AKAP11: variants seen among roughly 807,000 people sequenced by gnomAD.
The protein encoded by AKAP11 is A-kinase anchoring protein 11, also known as A-kinase anchor protein 11.
AKAP11 carries 36 observed loss-of-function variants against 146.1 expected under a neutral mutation model. That is an observed-to-expected ratio of 0.25 (90% CI 0.19 to 0.33). The LOEUF (loss-of-function observed/expected upper bound fraction) is 0.33, where lower values mean the gene tolerates loss of function less well. Among genes scored for constraint, AKAP11 ranks in the 10% least tolerant of loss-of-function variants. AKAP11 has a pLI of 1.00. For synonymous variants in AKAP11, 780 were observed against 786.5 expected, an observed-to-expected ratio of 0.99 and a Z score of 0.14; for missense variants, 2,201 against 2,197.0, an observed-to-expected ratio of 1.00 and a Z score of -0.04.
In AKAP11 at chr13:42,300,174, G is replaced by T. The variant is rs1288330280; in HGVS notation, c.1428G>T (p.Arg476Ser). The stretch of plus-strand genomic sequence containing the variant: ...GCCAAACAGATATTGGTGGAGATAG[G>T]ATTCATGAAAATCATGATTCTGTTT... ...CFCQTDIGGDRIHENHDSVYY... is the reference protein window; with the variant it reads ...CFCQTDIGGDSIHENHDSVYY... The change falls in exon 8 of 13, where the codon AGG becomes AGT. Residue 476 changes from arginine to serine, a missense_variant. Arg to Ser is a moderately radical substitution (Grantham distance 110, BLOSUM62 -1). Coordinates refer to ENST00000025301, the MANE Select transcript of AKAP11 (RefSeq NM_016248.4). 1 of 1,613,850 alleles carries T rather than the reference G, an allele frequency of 6.2e-7. No homozygotes were observed. Among genetic ancestry groups the T allele is most frequent in the South Asian group, 1.1e-5 (1 of 91,036 alleles).
rs768999636 is a variant in AKAP11 at position 42,301,957 on chromosome 13, A to G, written c.3211A>G (p.Thr1071Ala). The G allele has an allele frequency of 3.1e-6, 5 of 1,614,134 alleles. No individual in the cohort carries two copies. Among genetic ancestry groups the G allele is most frequent in the East Asian group, 4.5e-5 (2 of 44,882 alleles). The change falls in exon 8 of 13, where the codon ACT (threonine) becomes GCT (alanine). Residue 1071 changes from threonine to alanine, a missense_variant. Around this residue, in one of 3 missense-constraint regions of AKAP11, gnomAD observed 1,867 missense variants for 1,833.5 expected, o/e 1.02. Coordinates refer to ENST00000025301, the MANE Select transcript of AKAP11 (RefSeq NM_016248.4). Reference sequence around the variant, plus strand: ...GGAAAACCCCTTTCCTCATTCACATACTTTCTCATCTACAGCACTTACCTG... The same window carrying G: ...GGAAAACCCCTTTCCTCATTCACATGCTTTCTCATCTACAGCACTTACCTG... The part of the protein sequence containing the change: ...GQENPFPHSH[T>A]FSSTALTCVD...
intron 9 of AKAP11, among the ~76,000 whole-genome samples, chr13:42,311,618 ATAGG>A (rs937260527): frequency 3.9e-5 from 6 of 152,096 alleles, no homozygotes; most frequent in African/African-American, 7.2e-5. Flanking sequence ...TGTTTATGTA[ATAGG>A]TAGGTGATGG....
At chr13:42,288,335 TACAC>T (rs1185824007) in intron 3 of AKAP11, among the ~76,000 whole-genome samples, 2 of 152,182 alleles carry the variant, frequency 1.3e-5, no homozygotes, top group Non-Finnish European at 2.9e-5. Flanking sequence ...AAAAGCATAA[TACAC>T]ACACAAACCC....
chr13:42,314,446 TAAAAAAAA>T (rs59968668), intron 11 of AKAP11, among the ~76,000 whole-genome samples: 60 of 124,750 alleles, frequency 4.8e-4, no homozygotes, highest in Non-Finnish European at 3.6e-4. Context: ...GACTCTGACT[TAAAAAAAA>T]AAAAAAAAAA....
chr13:42,291,447 T>C (rs1284242134), intron 3 of AKAP11, among the ~76,000 whole-genome samples: 1 of 152,130 alleles, frequency 6.6e-6, no homozygotes, highest in Non-Finnish European at 1.5e-5. Context: ...AAGACGGGCT[T>C]TCGCTATGTT....
At chr13:42,315,232 T>C (rs1307428524) in intron 11 of AKAP11, among the ~76,000 whole-genome samples, 3 of 152,234 alleles carry the variant, frequency 2.0e-5, no homozygotes, top group Non-Finnish European at 4.4e-5. Context: ...AGCTGTAATC[T>C]TCAGACTTAA....
At position 42,300,173 on chromosome 13, in the gene AKAP11, G is replaced by A; in HGVS notation, c.1427G>A (p.Arg476Lys). Reference sequence around the variant, plus strand: ...TGCCAAACAGATATTGGTGGAGATAGGATTCATGAAAATCATGATTCTGTT... The same window carrying A: ...TGCCAAACAGATATTGGTGGAGATAAGATTCATGAAAATCATGATTCTGTT... Reference protein sequence around the residue: ...CFCQTDIGGDRIHENHDSVYY... With the variant: ...CFCQTDIGGDKIHENHDSVYY... Residue 476 changes from arginine (R) to lysine (K), a missense_variant, in exon 8 of 13, where the codon AGG becomes AAG. By Grantham distance (26) the Arg-to-Lys change is conservative. This residue lies in a region of AKAP11 where 1,867 missense variants were observed against 1,833.5 expected (regional missense o/e 1.02). Coordinates refer to ENST00000025301, the MANE Select transcript of AKAP11 (RefSeq NM_016248.4). 1.2e-6 allele frequency: 2 copies of A among 1,613,840 alleles called. No individual in the cohort carries two copies. The highest frequency in any genetic ancestry group is 1.7e-6 in the Non-Finnish European group (2 of 1,179,836).
chr13:42,300,467 C>T lies in AKAP11; in HGVS notation c.1721C>T (p.Ser574Phe), dbSNP rs757949185. 3.1e-6 allele frequency: 5 copies of T among 1,613,922 alleles called. No individual in the cohort carries two copies. Among genetic ancestry groups the T allele is most frequent in the African/African-American group, 2.7e-5 (2 of 74,922 alleles). The change falls in exon 8 of 13, where the codon TCT (serine) becomes TTT (phenylalanine). Residue 574 changes from serine to phenylalanine, a missense_variant. Ser to Phe is a radical substitution (Grantham distance 155). This residue lies in a region of AKAP11 where 1,867 missense variants were observed against 1,833.5 expected (regional missense o/e 1.02). Coordinates refer to ENST00000025301, the MANE Select transcript of AKAP11 (RefSeq NM_016248.4). ...SAFKDLQKGV[S>F]SCTNALYHLA... is the part of the protein sequence containing the mutation. The stretch of plus-strand genomic sequence containing the variant: ...TTTAAAGACTTACAGAAAGGAGTCT[C>T]TTCATGTACCAATGCTTTGTACCAC...
rs1961023455 is a variant in AKAP11 at position 42,320,150 on chromosome 13, A to C, written c.*922A>C. Reference sequence around the variant, plus strand: ...AACTTATCTTACAAGTGAAAACTTAAATTGTAAAACATGTTGAAATTTTAA... The same window carrying C: ...AACTTATCTTACAAGTGAAAACTTACATTGTAAAACATGTTGAAATTTTAA... On this transcript the variant is annotated 3_prime_UTR_variant, in exon 13 of 13. Coordinates refer to ENST00000025301, the MANE Select transcript of AKAP11 (RefSeq NM_016248.4). 1 of 152,720 alleles carries C rather than the reference A, an allele frequency of 6.5e-6. No individual in the cohort carries two copies. Among genetic ancestry groups the C allele is most frequent in the Admixed American group, 6.5e-5 (1 of 15,276 alleles). 9.5% of individuals were successfully genotyped at this position (152,720 alleles called of 1,614,324 possible).
rs1188493555 is a variant in AKAP11 at position 42,302,511 on chromosome 13, A to G, written c.3765A>G (p.Thr1255=). 1.3e-6 allele frequency: 2 copies of G among 1,591,782 alleles called. No homozygotes were observed. The highest frequency in any genetic ancestry group is 8.6e-7 in the Non-Finnish European group (1 of 1,162,472). Residue 1255 remains threonine, a synonymous_variant, in exon 8 of 13, where the codon ACA becomes ACG. Transcript: ENST00000025301. The part of the protein sequence containing the change: ...FLNPSDENLK[T]LCNFAGDLAA... Reference sequence around the variant, plus strand: ...ACCCCTCAGACGAAAATTTGAAAACATTATGCAATTTTGCGGGTGATCTGG... The same window carrying G: ...ACCCCTCAGACGAAAATTTGAAAACGTTATGCAATTTTGCGGGTGATCTGG...
chr13:42,284,825 C>A (rs1306064670), intron 1 of AKAP11, among the ~76,000 whole-genome samples: 1 of 152,158 alleles, frequency 6.6e-6, no homozygotes, highest in Non-Finnish European at 1.5e-5. Flanking sequence ...GGGGTATCAC[C>A]CTTTACCTTG....
intron 11 of AKAP11, 104 bp from the exon 12 acceptor site, chr13:42,317,424 T>C: frequency 8.1e-7 from 1 of 1,230,392 alleles, no homozygotes. Context: ...TCACCATTCA[T>C]TAGAATCCTA....
Position 42,308,483 on chromosome 13 carries a change from C to A in AKAP11, c.5147C>A (p.Thr1716Asn). Reference sequence around the variant, plus strand: ...AAAGAAATAGAAGACTTTCAGTCAACCGAGTCTGTCAGTAGCCAGCAGATG... The same window carrying A: ...AAAGAAATAGAAGACTTTCAGTCAAACGAGTCTGTCAGTAGCCAGCAGATG... ...SSKEIEDFQSTESVSSQQMNL... is the reference protein window; with the variant it reads ...SSKEIEDFQSNESVSSQQMNL... The change falls in exon 9 of 13, where the codon ACC (threonine) becomes AAC (asparagine). Residue 1716 changes from threonine (T) to asparagine (N), a missense_variant. This residue lies in a region of AKAP11 where 1,867 missense variants were observed against 1,833.5 expected (regional missense o/e 1.02). Transcript: ENST00000025301. 2 of 1,601,300 alleles carry A rather than the reference C, an allele frequency of 1.2e-6. No homozygotes were observed. Among genetic ancestry groups the A allele is most frequent in the Non-Finnish European group, 1.7e-6 (2 of 1,172,442 alleles).
chr13:42,278,354 A>G (rs1411155844), intron 1 of AKAP11, among the ~76,000 whole-genome samples: 1 of 152,206 alleles, frequency 6.6e-6, no homozygotes, highest in Non-Finnish European at 1.5e-5. Context: ...TGTAAGTCAA[A>G]TAACAGGTCT....
At position 42,301,990 on chromosome 13, in the gene AKAP11, G is replaced by A. The variant is rs1329706210; in HGVS notation, c.3244G>A (p.Gly1082Ser). ...FSSTALTCVD[G>S]LHVEDKQKVR... is the part of the protein sequence containing the mutation. ...ATCTACAGCACTTACCTGTGTAGAT[G>A]GTTTGCATGTGGAAGATAAACAGAA... The change falls in exon 8 of 13, where the codon GGT becomes AGT. Residue 1082 changes from glycine (G) to serine (S), a missense_variant. Physicochemically the swap from Gly to Ser is moderately conservative, Grantham distance 56. This residue lies in a region of AKAP11 where 1,867 missense variants were observed against 1,833.5 expected (regional missense o/e 1.02). Transcript: ENST00000025301. The A allele has an allele frequency of 6.2e-7, 1 of 1,612,952 alleles. No individual in the cohort carries two copies. The highest frequency in any genetic ancestry group is 1.1e-5 in the South Asian group (1 of 90,974).
rs962766773 is a variant in AKAP11 at position 42,321,246 on chromosome 13, A to G, written c.*2018A>G. 6.6e-6 allele frequency: 1 copy of G among 152,362 alleles called. No homozygotes were observed. The highest frequency in any genetic ancestry group is 1.5e-5 in the Non-Finnish European group (1 of 68,034). The allele number at this position is 152,362 out of a possible 1,614,324, so 9.4% of individuals were successfully genotyped here. On this transcript the variant is annotated 3_prime_UTR_variant, in exon 13 of 13. Transcript: ENST00000025301. ...CAAAATAGAGTTCTGAATTTCTTTT[A>G]AAGTGATGATATATTATTTTGTGAA... is the stretch of plus-strand genomic sequence containing the variant.
At position 42,300,292 on chromosome 13, in the gene AKAP11, AAC is replaced by A; in HGVS notation, c.1548_1549del (p.Asn516LysfsTer3). The A allele has an allele frequency of 6.2e-7, 1 of 1,612,890 alleles. No individual in the cohort carries two copies. On this transcript the variant is annotated frameshift_variant, in exon 8 of 13. Coordinates refer to ENST00000025301, the MANE Select transcript of AKAP11 (RefSeq NM_016248.4). LOFTEE classifies it high-confidence loss of function. ...CCATACTAATACCCTATCAAATATTAACAGTATTAAACATGGAGAAAATAAAA... is the reference window on the plus strand; with the variant it reads ...CCATACTAATACCCTATCAAATATTAAGTATTAAACATGGAGAAAATAAAA... Reference protein sequence around the residue: ...THHTNTLSNINSIKHGENKTV... With the variant: ...THHTNTLSNIXSIKHGENKTV...
intron 11 of AKAP11, among the ~76,000 whole-genome samples, chr13:42,317,012 G>A (rs1051589634): frequency 6.6e-6 from 1 of 152,054 alleles, no homozygotes; most frequent in Admixed American, 6.5e-5. Context: ...TGAGTAGCTG[G>A]GACTACAGGC....
intron 9 of AKAP11, among the ~76,000 whole-genome samples, chr13:42,310,264 T>A (rs916912348): frequency 6.6e-6 from 1 of 152,184 alleles, no homozygotes; most frequent in Non-Finnish European, 1.5e-5. Flanking sequence ...AATGTAATGC[T>A]GCGTGGCATT....
Sources: allele counts gnomAD v4.1 joint callset (sites outside exome capture counted in the v4.1 genomes callset), GRCh38; gene constraint gnomAD v4.1.1; regional missense constraint gnomAD v4.1.1; transcripts MANE v1.5; gene names NCBI Gene and HGNC (gene_info 2026-07-23, HGNC 2026-07-21).